The following OPHN1 variants were observed in gnomAD, a reference collection of about 807,000 sequenced individuals.
OPHN1 encodes the protein oligophrenin-1.
Under a neutral mutation model 60.7 loss-of-function variants are expected in OPHN1, and 11 were observed. The observed-to-expected ratio is 0.18, with a 90% confidence interval of 0.11 to 0.30. The LOEUF (loss-of-function observed/expected upper bound fraction) is 0.30, where lower values mean the gene tolerates loss of function less well. Among genes scored for constraint, OPHN1 ranks in the 10% least tolerant of loss-of-function variants. The probability of loss-of-function intolerance (pLI) is 1.00; values close to 1 mark genes in which losing one functional copy is unlikely to be tolerated. For synonymous variants in OPHN1, 226 were observed against 222.6 expected, an observed-to-expected ratio of 1.02 and a Z score of -0.14; for missense variants, 449 against 611.0, an observed-to-expected ratio of 0.73 and a Z score of 2.80.
At chrX:68,190,986 C>T (rs2077485667) in intron 15 of OPHN1, among the ~76,000 whole-genome samples, 1 of 111,972 alleles carries the variant, frequency 8.9e-6, no homozygotes, top group Non-Finnish European at 1.9e-5. Flanking sequence ...TGACTGAGTG[C>T]TGTAACATCC....
intron 15 of OPHN1, among the ~76,000 whole-genome samples, chrX:68,134,508 C>G (rs1406642027): frequency 8.9e-6 from 1 of 111,751 alleles, no homozygotes; most frequent in Non-Finnish European, 1.9e-5. Flanking sequence ...TAGAAAAATA[C>G]TTTGACTCCA....
chrX:68,054,265 T>C (rs981489647), intron 21 of OPHN1, among the ~76,000 whole-genome samples: 1 of 111,722 alleles, frequency 9.0e-6, no homozygotes, highest in East Asian at 2.8e-4. Flanking sequence ...TTGACTATTA[T>C]AGTTGTTTTC....
intron 20 of OPHN1, 71 bp downstream of exon 20, chrX:68,073,081 G>A (rs752007547): frequency 1.4e-4 from 154 of 1,105,078 alleles, no homozygotes; most frequent in Middle Eastern, 9.8e-4. Flanking sequence ...TCATGCCACC[G>A]CTTCTGCCCT....
chrX:68,167,975 A>G (rs960096210), intron 15 of OPHN1, among the ~76,000 whole-genome samples: 4 of 111,432 alleles, frequency 3.6e-5, no homozygotes, highest in African/African-American at 1.3e-4. Context: ...AGCCAGGCAC[A>G]AAAAGACAAA....
At chrX:68,261,468 C>T (rs2077893067) in intron 5 of OPHN1, among the ~76,000 whole-genome samples, 2 of 111,014 alleles carry the variant, frequency 1.8e-5, no homozygotes, top group Non-Finnish European at 3.8e-5. Flanking sequence ...AATCTTGGGT[C>T]AGAGAAGTCG....
intron 2 of OPHN1, among the ~76,000 whole-genome samples, chrX:68,355,278 T>C (rs1355391198): frequency 8.9e-6 from 1 of 112,487 alleles, no homozygotes; most frequent in Non-Finnish European, 1.9e-5. Context: ...GGAAATTGCA[T>C]AGGACAGAGG....
chrX:68,297,438 T>C (rs896601140), intron 3 of OPHN1, among the ~76,000 whole-genome samples: 1 of 111,551 alleles, frequency 9.0e-6, no homozygotes, highest in African/African-American at 3.3e-5. Flanking sequence ...ATAGATTTAC[T>C]GAAGTAAAAT....
intron 2 of OPHN1, among the ~76,000 whole-genome samples, chrX:68,378,535 A>G (rs1289764711): frequency 1.8e-5 from 2 of 111,806 alleles, no homozygotes; most frequent in East Asian, 5.6e-4. Context: ...GGTAATGCCT[A>G]GGTTTTCTTC....
chrX:68,055,018 G>T (rs2076867331), intron 21 of OPHN1, among the ~76,000 whole-genome samples: 1 of 111,944 alleles, frequency 8.9e-6, no homozygotes, highest in Admixed American at 9.5e-5. Flanking sequence ...CTAAAATGTA[G>T]AAGATAAAAG....
intron 2 of OPHN1, among the ~76,000 whole-genome samples, chrX:68,391,357 A>C (rs1270837001): frequency 9.0e-6 from 1 of 111,681 alleles, no homozygotes; most frequent in African/African-American, 3.3e-5. Flanking sequence ...AATTTCTAAA[A>C]TATCCACAAT....
intron 2 of OPHN1, among the ~76,000 whole-genome samples, chrX:68,409,616 G>GA (rs2078759961): frequency 8.9e-6 from 1 of 112,113 alleles, no homozygotes; most frequent in African/African-American, 3.2e-5. Context: ...GTTGCTAACA[G>GA]AAAAAATACA....
chrX:68,351,169 C>T (rs1257797843), intron 2 of OPHN1, among the ~76,000 whole-genome samples: 1 of 111,200 alleles, frequency 9.0e-6, no homozygotes, highest in Non-Finnish European at 1.9e-5. Context: ...CCTCGTGATC[C>T]ACCCACCTCG....
chrX:68,320,386 T>C (rs2078229883), intron 2 of OPHN1, among the ~76,000 whole-genome samples: 1 of 111,070 alleles, frequency 9.0e-6, no homozygotes, highest in South Asian at 3.8e-4. Context: ...TATTGAGATA[T>C]TACCACAGAG....
At chrX:68,306,111 T>C (rs2078143870) in intron 2 of OPHN1, among the ~76,000 whole-genome samples, 1 of 112,538 alleles carries the variant, frequency 8.9e-6, no homozygotes, top group Admixed American at 9.4e-5. Flanking sequence ...TTCTCAGTCA[T>C]ATTTCATAAG....
chrX:68,432,131 A>G (rs2078888845), intron 2 of OPHN1, among the ~76,000 whole-genome samples: 1 of 110,930 alleles, frequency 9.0e-6, no homozygotes, highest in Non-Finnish European at 1.9e-5. Flanking sequence ...AGCACTGGAA[A>G]AGCGAAGCTA....
In OPHN1 at chrX:68,149,745, G is replaced by A. The variant is rs763801329; in HGVS notation, c.1277-30413C>T. ...ATGAAAAACAGTTTCATGGTTCCTC[G>A]AAAACTTAAATATGAAATTGTCATA... On this transcript the variant is annotated intron_variant, in intron 15 of 24. Coordinates refer to ENST00000355520, the MANE Select transcript of OPHN1 (RefSeq NM_002547.3). Among the ~76,000 whole-genome samples, 11 of 109,454 alleles carry A rather than the reference G, an allele frequency of 1.0e-4. No individual in the cohort carries two copies. The South Asian group carries it at 1.6e-3, about 16-fold the overall frequency.
chrX:68,112,858 T>C (rs2077111091), intron 17 of OPHN1, among the ~76,000 whole-genome samples: 1 of 112,085 alleles, frequency 8.9e-6, no homozygotes, highest in African/African-American at 3.2e-5. Context: ...CATTTTTCTG[T>C]CCCCTGGTAA....
intron 5 of OPHN1, among the ~76,000 whole-genome samples, chrX:68,239,240 TG>T (rs2077768420): frequency 2.3e-5 from 1 of 42,814 alleles, no homozygotes; most frequent in Non-Finnish European, 5.5e-5. Flanking sequence ...GTCCTCCTGG[TG>T]TCTGCCGGTG....
intron 15 of OPHN1, among the ~76,000 whole-genome samples, chrX:68,159,017 T>C (rs2077322571): frequency 9.0e-6 from 1 of 111,455 alleles, no homozygotes; most frequent in African/African-American, 3.3e-5. Context: ...TCCTAGAGCA[T>C]GGATGCCATT....
Sources: gnomAD v4.1 joint callset for allele counts (sites outside exome capture counted in the v4.1 genomes callset) on GRCh38, gnomAD v4.1.1 for gene constraint, MANE v1.5 for transcripts, NCBI Gene and HGNC (gene_info 2026-07-23, HGNC 2026-07-21) for gene names.